The following ANKHD1 variants were observed in gnomAD, a reference collection of about 807,000 sequenced individuals.
ANKHD1 encodes the protein ankyrin repeat and KH domain-containing protein 1.
A neutral mutation model predicts 230.5 loss-of-function variants in ANKHD1; 31 were observed. The observed-to-expected ratio is 0.13, with a 90% CI of 0.10 to 0.18. ANKHD1 has a LOEUF of 0.18. ANKHD1 is among the 10% of genes least tolerant of loss of function. The pLI, the probability that ANKHD1 is intolerant of heterozygous loss-of-function variation, is 1.00. For missense variants in ANKHD1, 2,256 were observed against 3,071.3 expected, an observed-to-expected ratio of 0.73 and a Z score of 6.27; for synonymous variants, 1,074 against 1,117.6, an observed-to-expected ratio of 0.96 and a Z score of 0.78.
intron 29 of ANKHD1, among the ~76,000 whole-genome samples, chr5:140,531,005 C>T (rs1252236195): frequency 6.6e-6 from 1 of 152,224 alleles, no homozygotes; most frequent in Non-Finnish European, 1.5e-5. Context: ...ATATGACTAT[C>T]TATGGTCCAA....
intron 2 of ANKHD1, 136 bp from the exon 3 acceptor site, chr5:140,438,325 C>T: frequency 8.6e-6 from 11 of 1,273,042 alleles, no homozygotes; most frequent in Non-Finnish European, 1.0e-5. Flanking sequence ...GCCTTATCTT[C>T]TGTCAACCTA....
At chr5:140,503,217 C>T (rs1752380715) in intron 15 of ANKHD1, among the ~76,000 whole-genome samples, 1 of 152,006 alleles carries the variant, frequency 6.6e-6, no homozygotes, top group Non-Finnish European at 1.5e-5. Flanking sequence ...AGGTTATTGC[C>T]ATCACTGATG....
intron 29 of ANKHD1, chr5:140,532,773 C>T (rs1477709543): frequency 1.7e-5 from 7 of 417,354 alleles, no homozygotes; most frequent in African/African-American, 6.4e-5. Context: ...TATGTGGCAT[C>T]TACATTTAGG....
intron 9 of ANKHD1, among the ~76,000 whole-genome samples, chr5:140,460,363 A>T (rs1775616041): frequency 6.6e-6 from 1 of 152,136 alleles, no homozygotes; most frequent in African/African-American, 2.4e-5. Flanking sequence ...ATTATTTAAA[A>T]TTTGATATAT....
chr5:140,497,373 C>T (rs1484849428), intron 15 of ANKHD1, 95 bp downstream of exon 15: 20 of 1,474,382 alleles, frequency 1.4e-5, no homozygotes, highest in Non-Finnish European at 1.8e-5. Context: ...TGTACGTTTC[C>T]ATTTTAGAAC....
At chr5:140,414,915 C>T (rs1771232939) in intron 1 of ANKHD1, among the ~76,000 whole-genome samples, 1 of 151,780 alleles carries the variant, frequency 6.6e-6, no homozygotes, top group Non-Finnish European at 1.5e-5. Flanking sequence ...GATATTAATC[C>T]CTTATCAGAT....
chr5:140,415,588 G>A (rs910728891), intron 1 of ANKHD1, among the ~76,000 whole-genome samples: 23 of 150,382 alleles, frequency 1.5e-4, no homozygotes, highest in African/African-American at 5.1e-4. Context: ...ACAGGTGCAC[G>A]CCACCACGCC....
In ANKHD1 at chr5:140,527,959, C is replaced by G. The variant is rs1347135902; in HGVS notation, c.5174C>G (p.Thr1725Ser). ...GCNITAIQDV[T>S]GAHIDVDKQK... The stretch of plus-strand genomic sequence containing the variant: ...AACATCACTGCAATACAGGATGTTA[C>G]TGGTGCCCATATTGATGTGGATAAA... Residue 1725 changes from threonine (T) to serine (S), a missense_variant, in exon 28 of 34, where the codon ACT (threonine) becomes AGT (serine). By Grantham distance (58) the Thr-to-Ser change is moderately conservative (BLOSUM62 1). This residue lies in a region of ANKHD1 where 23 missense variants were observed against 59.9 expected (regional missense o/e 0.38). Transcript: ENST00000360839. The surrounding 1 kb of genome is among the most constrained non-coding windows in gnomAD (Gnocchi z 4.5). 1.9e-6 allele frequency: 3 copies of G among 1,613,894 alleles called. No homozygotes were observed. The highest frequency in any genetic ancestry group is 2.5e-6 in the Non-Finnish European group (3 of 1,179,902).
At chr5:140,463,568 C>G (rs1775871755) in intron 9 of ANKHD1, among the ~76,000 whole-genome samples, 1 of 152,102 alleles carries the variant, frequency 6.6e-6, no homozygotes, top group African/African-American at 2.4e-5. Flanking sequence ...TCTTATAGAT[C>G]AAATATATCA....
rs1040741557 is a variant in ANKHD1, at chr5:140,428,363, C to T, written c.307-7741C>T. On this transcript the variant is annotated intron_variant, in intron 1 of 33. Transcript: ENST00000360839. ...TGGGCACCATTGAGCACTGAGTGAACGAGACTCCGTCTGCAATCCCGGCAC... is the reference window on the plus strand; with the variant it reads ...TGGGCACCATTGAGCACTGAGTGAATGAGACTCCGTCTGCAATCCCGGCAC... Among the ~76,000 whole-genome samples, 210 of 152,326 alleles carry T rather than the reference C, an allele frequency of 1.4e-3. 1 individual carries two copies. Among genetic ancestry groups the T allele is most frequent in the Non-Finnish European group, 2.3e-3 (159 of 68,034 alleles).
chr5:140,470,177 C>G (rs576329428), intron 10 of ANKHD1, among the ~76,000 whole-genome samples: 1 of 151,956 alleles, frequency 6.6e-6, no homozygotes, highest in East Asian at 1.9e-4. Context: ...CTTTTTCTGT[C>G]TGGATTATCA....
intron 22 of ANKHD1, among the ~76,000 whole-genome samples, chr5:140,510,734 A>G (rs780272081): frequency 8.5e-5 from 13 of 152,174 alleles, no homozygotes; most frequent in Non-Finnish European, 1.2e-4. Flanking sequence ...AAGAAAAACT[A>G]TTATATGCAG....
At chr5:140,526,783 T>G (rs1753625323) in intron 26 of ANKHD1, 145 bp from the exon 27 acceptor site, 2 of 1,201,508 alleles carry the variant, frequency 1.7e-6, no homozygotes, top group African/African-American at 3.1e-5. Context: ...TTTGCTCTAT[T>G]TCTGTTTTTC....
At chr5:140,406,458 AT>A (rs1351940942) in intron 1 of ANKHD1, among the ~76,000 whole-genome samples, 3 of 151,946 alleles carry the variant, frequency 2.0e-5, no homozygotes, top group Non-Finnish European at 4.4e-5. Flanking sequence ...ACCTCTTTAT[AT>A]TTAATATCAG....
intron 24 of ANKHD1, among the ~76,000 whole-genome samples, chr5:140,520,339 A>T (rs1278122752): frequency 2.0e-5 from 3 of 151,836 alleles, no homozygotes; most frequent in Non-Finnish European, 4.4e-5. Context: ...TGGGACTCTA[A>T]ACTAGTTCAA....
In ANKHD1 at chr5:140,528,703, T is replaced by G. The variant is rs2127088612; in HGVS notation, c.5757T>G (p.Thr1919=). 1.9e-6 allele frequency: 3 copies of G among 1,614,202 alleles called. No individual in the cohort carries two copies. The highest frequency in any genetic ancestry group is 2.5e-6 in the Non-Finnish European group (3 of 1,180,038). Residue 1919 remains threonine (T), a synonymous_variant, in exon 29 of 34, where the codon ACT becomes ACG. Coordinates refer to ENST00000360839, the MANE Select transcript of ANKHD1 (RefSeq NM_017747.3). ...GCCGTCTACCTAACCAGAACGGGAC[T>G]GTTTTACCCTCAGAGTCTGCTGGAC... ...NTSRLPNQNG[T]VLPSESAGLA...
At chr5:140,443,127 G>A (rs950098391) in intron 5 of ANKHD1, among the ~76,000 whole-genome samples, 11 of 151,726 alleles carry the variant, frequency 7.2e-5, no homozygotes, top group South Asian at 4.2e-4. Flanking sequence ...GGATGGTCTC[G>A]ATCTCGACCT....
intron 10 of ANKHD1, among the ~76,000 whole-genome samples, chr5:140,465,565 C>T (rs1024589673): frequency 3.9e-5 from 6 of 152,068 alleles, no homozygotes; most frequent in Non-Finnish European, 7.4e-5. Flanking sequence ...ACATACATAG[C>T]TGTAAATGTT....
chr5:140,472,846 T>G (rs1332852194), intron 10 of ANKHD1, among the ~76,000 whole-genome samples: 1 of 152,170 alleles, frequency 6.6e-6, no homozygotes, highest in Non-Finnish European at 1.5e-5. Context: ...GAATATTTTT[T>G]CATAGGAAAT....
Sources: gnomAD v4.1 joint callset for allele counts (sites outside exome capture counted in the v4.1 genomes callset) on GRCh38, gnomAD v4.1.1 for gene constraint, gnomAD v4.1.1 regional missense constraint, Gnocchi (gnomAD v3.1) non-coding constraint, MANE v1.5 for transcripts, NCBI Gene and HGNC (gene_info 2026-07-23, HGNC 2026-07-21) for gene names.